The following MAP3K3 variants were observed in gnomAD, a reference collection of about 807,000 sequenced individuals.
The protein encoded by MAP3K3 is MAP/ERK kinase kinase 3.
MAP3K3 carries 12 observed loss-of-function variants against 80.9 expected under a neutral mutation model. That is an observed-to-expected ratio of 0.15 (90% CI 0.10 to 0.24). The LOEUF is 0.24. Ranked by LOEUF, MAP3K3 falls within the 10% of genes least tolerant of loss-of-function variation. The pLI is 1.00. For synonymous variants in MAP3K3, 272 were observed against 307.1 expected, an observed-to-expected ratio of 0.89 and a Z score of 1.19; for missense variants, 596 against 834.7, an observed-to-expected ratio of 0.71 and a Z score of 3.52.
chr17:63,671,196 G>A (rs1443061505), intron 6 of MAP3K3, among the ~76,000 whole-genome samples: 1 of 152,046 alleles, frequency 6.6e-6, no homozygotes, highest in East Asian at 1.9e-4. Context: ...GGTTCTCAAA[G>A]TGTGTTCTGG....
At chr17:63,638,885 G>A (rs539472711) in intron 2 of MAP3K3, among the ~76,000 whole-genome samples, 9 of 152,290 alleles carry the variant, frequency 5.9e-5, no homozygotes, top group African/African-American at 2.2e-4. Flanking sequence ...AATTAGCTGG[G>A]CATGATGATA....
intron 5 of MAP3K3, among the ~76,000 whole-genome samples, chr17:63,666,094 C>A (rs558923363): frequency 1.3e-5 from 2 of 152,226 alleles, no homozygotes; most frequent in African/African-American, 4.8e-5. Context: ...AGTGCAAAGG[C>A]CCCCCTTTGT....
intron 5 of MAP3K3, among the ~76,000 whole-genome samples, chr17:63,664,116 G>A (rs1238192546): frequency 4.0e-5 from 6 of 151,340 alleles, no homozygotes; most frequent in Admixed American, 1.3e-4. Context: ...GCGTGGTAGC[G>A]GGCGCCTGTA....
intron 6 of MAP3K3, among the ~76,000 whole-genome samples, chr17:63,668,526 G>A (rs2035042233): frequency 6.6e-6 from 1 of 152,182 alleles, no homozygotes; most frequent in South Asian, 2.1e-4. Context: ...CGTAGTCCTT[G>A]TAGAGATTGA....
intron 6 of MAP3K3, among the ~76,000 whole-genome samples, chr17:63,679,366 C>T (rs182127083): frequency 1.2e-4 from 18 of 152,294 alleles, no homozygotes; most frequent in African/African-American, 3.4e-4. Context: ...CCCTCTTTTC[C>T]GGGATGTTCT....
At chr17:63,654,384 TGTCA>T (rs2143364048) in intron 4 of MAP3K3, among the ~76,000 whole-genome samples, 1 of 149,618 alleles carries the variant, frequency 6.7e-6, no homozygotes, top group East Asian at 1.9e-4. Flanking sequence ...CTGTGCATGT[TGTCA>T]GTATGTCATT....
In MAP3K3 at chr17:63,632,819, C is replaced by A. The variant is rs2034245119; in HGVS notation, c.126+17C>A. On this transcript the variant is annotated intron_variant, in intron 2 of 15. Coordinates refer to ENST00000361733, the MANE Select transcript of MAP3K3 (RefSeq NM_002401.5). Reference sequence around the variant, plus strand: ...AATAGGCAGGTGTGTGTGACCCTGGCAGAGCTAAGTGAGATTTGTTGGGGA... The same window carrying A: ...AATAGGCAGGTGTGTGTGACCCTGGAAGAGCTAAGTGAGATTTGTTGGGGA... 1.1e-5 allele frequency: 17 copies of A among 1,613,522 alleles called. No homozygotes were observed. The highest frequency in any genetic ancestry group is 1.3e-5 in the Non-Finnish European group (15 of 1,179,748).
Position 63,681,909 on chromosome 17 carries a change from G to A in MAP3K3, c.636+10G>A, listed in dbSNP as rs373172363. 3.4e-5 allele frequency: 48 copies of A among 1,398,310 alleles called. No individual in the cohort carries two copies. In the African/African-American group the frequency reaches 4.2e-4, roughly 12 times the overall value. 86.6% of individuals were successfully genotyped at this position (1,398,310 alleles called of 1,614,324 possible). On this transcript the variant is annotated intron_variant, in intron 7 of 15. Transcript: ENST00000361733. ...GACCAGCGAGCAGTGCGTGAGTATA[G>A]GGGGGCTGGGATATGCCTGTGGCCT...
At chr17:63,667,380 G>A (rs1469726275) in intron 6 of MAP3K3, among the ~76,000 whole-genome samples, 1 of 152,166 alleles carries the variant, frequency 6.6e-6, no homozygotes, top group East Asian at 1.9e-4. Flanking sequence ...GACCATTCTT[G>A]TGAAGAATAG....
Position 63,681,861 on chromosome 17 carries a change from A to G in MAP3K3, c.598A>G (p.Ser200Gly). The G allele has an allele frequency of 6.6e-7, 1 of 1,526,604 alleles. No homozygotes were observed. The highest frequency in any genetic ancestry group is 8.8e-7 in the Non-Finnish European group (1 of 1,130,216). 94.6% of individuals were successfully genotyped at this position (1,526,604 alleles called of 1,614,324 possible). The change falls in exon 7 of 16, where the codon AGT (serine) becomes GGT (glycine). Residue 200 changes from serine to glycine, a missense_variant. This residue lies in a region of MAP3K3 where 364 missense variants were observed against 588.9 expected (regional missense o/e 0.62). Transcript: ENST00000361733. ...ARQGSYTSIN[S>G]EGEFIPETSE... ...GCAGGGGTCCTACACCAGCATCAAC[A>G]GTGAGGGGGAGTTCATCCCAGAGAC...
intron 6 of MAP3K3, among the ~76,000 whole-genome samples, chr17:63,677,463 T>C (rs1000736159): frequency 5.3e-5 from 8 of 152,234 alleles, no homozygotes; most frequent in Admixed American, 3.3e-4. Context: ...TGATAAGACT[T>C]AGGAAAACCA....
In MAP3K3 at chr17:63,691,374, T is replaced by C; in HGVS notation, c.1344+141T>C. 1 of 1,194,390 alleles carries C rather than the reference T, an allele frequency of 8.4e-7. No individual in the cohort carries two copies. Among genetic ancestry groups the C allele is most frequent in the Non-Finnish European group, 1.2e-6 (1 of 841,810 alleles). The allele number at this position is 1,194,390 out of a possible 1,614,324, so 74.0% of individuals were successfully genotyped here. A position where few individuals can be genotyped will look rare whatever the true frequency, so the allele number is the denominator to read the frequency against. ...GGCCCAGAGGAGCAAAGTGAGGTGA[T>C]GGTGGGACTTGGAGTCAGGAGGGCC... On this transcript the variant is annotated intron_variant, in intron 13 of 15. Transcript: ENST00000361733. This position sits in a 1 kb window ranked among gnomAD's most constrained non-coding sequence, Gnocchi z 4.8.
At chr17:63,627,694 G>A (rs1306486212) in intron 1 of MAP3K3, among the ~76,000 whole-genome samples, 2 of 151,860 alleles carry the variant, frequency 1.3e-5, no homozygotes, top group African/African-American at 4.8e-5. Flanking sequence ...CACCCTCCTC[G>A]GCCTCCCAAA....
rs1392419794 is a variant in MAP3K3, at chr17:63,692,888, C to T, written c.1652+469C>T. Among the ~76,000 whole-genome samples, 2 of 152,220 alleles carry T rather than the reference C, an allele frequency of 1.3e-5. No homozygotes were observed. Among genetic ancestry groups the T allele is most frequent in the African/African-American group, 2.4e-5 (1 of 41,454 alleles). On this transcript the variant is annotated intron_variant, in intron 15 of 15. Coordinates refer to ENST00000361733, the MANE Select transcript of MAP3K3 (RefSeq NM_002401.5). The surrounding 1 kb of genome is among the most constrained non-coding windows in gnomAD (Gnocchi z 4.5). Reference sequence around the variant, plus strand: ...CCCAAAGATGTCCACTGCCTAATCCCTGGATCTGTAAATGTGATTGTATAT... The same window carrying T: ...CCCAAAGATGTCCACTGCCTAATCCTTGGATCTGTAAATGTGATTGTATAT...
chr17:63,689,463 G>T lies in MAP3K3; in HGVS notation c.872-81G>T. The T allele has an allele frequency of 8.1e-7, 1 of 1,231,364 alleles. No individual in the cohort carries two copies. The allele number at this position is 1,231,364 out of a possible 1,614,324, so 76.3% of individuals were successfully genotyped here. A position where few individuals can be genotyped will look rare whatever the true frequency, so the allele number is the denominator to read the frequency against. On this transcript the variant is annotated intron_variant, in intron 10 of 15. Transcript: ENST00000361733. The surrounding 1 kb of genome is among the most constrained non-coding windows in gnomAD (Gnocchi z 4.3). ...TTGTATATTCCGCCTTGTAGCCCGG[G>T]GTGTCTCAGACCTGGTTTGTACGTT...
At chr17:63,644,133 G>A (rs554009749) in intron 2 of MAP3K3, among the ~76,000 whole-genome samples, 3 of 152,234 alleles carry the variant, frequency 2.0e-5, no homozygotes, top group South Asian at 4.1e-4. Flanking sequence ...TGTGGTAAAT[G>A]CTCAATAAAC....
intron 4 of MAP3K3, among the ~76,000 whole-genome samples, chr17:63,656,440 TAA>T (rs570222627): frequency 8.1e-5 from 11 of 135,672 alleles, no homozygotes; most frequent in Non-Finnish European, 8.0e-5. Context: ...CAGTCTCTAC[TAA>T]AAAAAAAAAA....
chr17:63,658,035 C>A (rs749446678), intron 5 of MAP3K3, 128 bp downstream of exon 5: 1 of 470,396 alleles, frequency 2.1e-6, no homozygotes, highest in Non-Finnish European at 3.9e-6. Context: ...AAGCACAGCA[C>A]AGCCCACTTG....
At position 63,623,285 on chromosome 17, in the gene MAP3K3, G is replaced by C. The variant is rs768403331; in HGVS notation, c.4+522G>C. Among the ~76,000 whole-genome samples the C allele has an allele frequency of 2.8e-4, 42 of 152,230 alleles. 1 individual carries two copies. Among genetic ancestry groups the C allele is most frequent in the Non-Finnish European group, 2.9e-4 (20 of 68,040 alleles). ...CAGCCCTGTGCGCGCCCCAGCGCAGGGGGGAGGGCGTGCGGGGCTCGGCTA... is the reference window on the plus strand; with the variant it reads ...CAGCCCTGTGCGCGCCCCAGCGCAGCGGGGAGGGCGTGCGGGGCTCGGCTA... On this transcript the variant is annotated intron_variant, in intron 1 of 15. Coordinates refer to ENST00000361733, the MANE Select transcript of MAP3K3 (RefSeq NM_002401.5).
Sources: allele counts gnomAD v4.1 joint callset (sites outside exome capture counted in the v4.1 genomes callset), GRCh38; gene constraint gnomAD v4.1.1; regional missense constraint gnomAD v4.1.1; non-coding constraint Gnocchi (gnomAD v3.1); transcripts MANE v1.5; gene names NCBI Gene and HGNC (gene_info 2026-07-23, HGNC 2026-07-21).